Variants in ADCY1 observed in about 807,000 individuals in gnomAD.
The protein encoded by ADCY1 is adenylate cyclase type 1.
ADCY1 carries 28 observed loss-of-function variants against 105.4 expected under a neutral mutation model. The ratio of observed to expected loss-of-function variants is 0.27; its 90% confidence interval spans 0.20 to 0.36. The LOEUF (loss-of-function observed/expected upper bound fraction) is 0.36, where lower values mean the gene tolerates loss of function less well. Among genes scored for constraint, ADCY1 ranks in the 10% least tolerant of loss-of-function variants. The pLI, the probability that ADCY1 is intolerant of heterozygous loss-of-function variation, is 1.00. For synonymous variants in ADCY1, 655 were observed against 623.8 expected, an observed-to-expected ratio of 1.05 and a Z score of -0.75; for missense variants, 977 against 1,434.2, an observed-to-expected ratio of 0.68 and a Z score of 5.15.
intron 8 of ADCY1, among the ~76,000 whole-genome samples, chr7:45,668,876 G>A (rs1300465893): frequency 6.6e-6 from 1 of 152,180 alleles, no homozygotes; most frequent in Non-Finnish European, 1.5e-5. Flanking sequence ...TATGTGTCTA[G>A]GAATTTATCC....
At position 45,710,356 on chromosome 7, in the gene ADCY1, C is replaced by G. The variant is rs555028944; in HGVS notation, c.2933-172C>G. ...CAGCAGGGCAGCTGCCTCTCTGGTG[C>G]TGTGTGTGATGCTTCAGGAAGGAGC... On this transcript the variant is annotated intron_variant, in intron 18 of 19. Coordinates refer to ENST00000297323, the MANE Select transcript of ADCY1 (RefSeq NM_021116.4). The surrounding 1 kb of genome is among the most constrained non-coding windows in gnomAD (Gnocchi z 4.7). 1.3e-5 allele frequency among the ~76,000 whole-genome samples: 2 copies of G among 152,252 alleles called. No homozygotes were observed. The highest frequency in any genetic ancestry group is 3.9e-4 in the East Asian group (2 of 5,174).
chr7:45,714,848 C>T lies in ADCY1; in HGVS notation c.*853C>T, dbSNP rs1447167902. 1 of 152,512 alleles carries T rather than the reference C, an allele frequency of 6.6e-6. No homozygotes were observed. Among genetic ancestry groups the T allele is most frequent in the Non-Finnish European group, 1.5e-5 (1 of 68,090 alleles). The allele number at this position is 152,512 out of a possible 1,614,324, so 9.4% of individuals were successfully genotyped here. On this transcript the variant is annotated 3_prime_UTR_variant, in exon 20 of 20. Coordinates refer to ENST00000297323, the MANE Select transcript of ADCY1 (RefSeq NM_021116.4). ...ATCCTGCACCGGCACTGTGTTTGTT[C>T]AGAGAAAACGAAGGGTGTCATTTCT...
At chr7:45,607,548 G>C (rs920377331) in intron 2 of ADCY1, among the ~76,000 whole-genome samples, 4 of 152,162 alleles carry the variant, frequency 2.6e-5, no homozygotes, top group Non-Finnish European at 5.9e-5. Flanking sequence ...CATAACCCGG[G>C]TACTAAAGCA....
At chr7:45,587,622 C>T (rs1792769967) in intron 1 of ADCY1, among the ~76,000 whole-genome samples, 1 of 152,100 alleles carries the variant, frequency 6.6e-6, no homozygotes, top group Non-Finnish European at 1.5e-5. Context: ...GATACTTTCT[C>T]CAAGGACTAT....
At chr7:45,653,766 C>T (rs1298452993) in intron 5 of ADCY1, among the ~76,000 whole-genome samples, 4 of 152,200 alleles carry the variant, frequency 2.6e-5, no homozygotes, top group Non-Finnish European at 4.4e-5. Context: ...CTGACACGCA[C>T]CACCAGCTCT....
intron 6 of ADCY1, among the ~76,000 whole-genome samples, chr7:45,659,108 C>G (rs1795020635): frequency 6.6e-6 from 1 of 152,204 alleles, no homozygotes; most frequent in South Asian, 2.1e-4. Flanking sequence ...CCTGTCCCTC[C>G]TTCTCCCACC....
rs367965996 is a variant in ADCY1, at chr7:45,599,478, C to T, written c.789+6570C>T. 4.0e-5 allele frequency among the ~76,000 whole-genome samples: 6 copies of T among 151,240 alleles called. No individual in the cohort carries two copies. The East Asian group carries it at 1.2e-3, about 30-fold the overall frequency. ...TTTGCTCTGTATCAGCTCCGGGAAT[C>T]CCAGAGTCTCCTCCCTGTCATTCTG... On this transcript the variant is annotated intron_variant, in intron 2 of 19. Coordinates refer to ENST00000297323, the MANE Select transcript of ADCY1 (RefSeq NM_021116.4).
chr7:45,719,003 G>A lies in ADCY1; in HGVS notation c.*5008G>A, dbSNP rs1021806453. The A allele has an allele frequency of 1.1e-4, 17 of 152,898 alleles. No individual in the cohort carries two copies. Among genetic ancestry groups the A allele is most frequent in the African/African-American group, 3.9e-4 (16 of 41,486 alleles). The allele number at this position is 152,898 out of a possible 1,614,324, so 9.5% of individuals were successfully genotyped here. On this transcript the variant is annotated 3_prime_UTR_variant, in exon 20 of 20. Coordinates refer to ENST00000297323, the MANE Select transcript of ADCY1 (RefSeq NM_021116.4). ...AATGCCACACGGGGTTTGTCTGTAA[G>A]CTGCAGTGTCTGTGATTCTGTGTGA... is the stretch of plus-strand genomic sequence containing the variant.
chr7:45,671,811 T>G (rs1022013675), intron 8 of ADCY1, among the ~76,000 whole-genome samples: 2 of 152,180 alleles, frequency 1.3e-5, no homozygotes, highest in Non-Finnish European at 2.9e-5. Flanking sequence ...TTTTGAGAGT[T>G]CATGGTATAT....
chr7:45,694,942 T>G (rs1382289549), intron 14 of ADCY1, among the ~76,000 whole-genome samples: 1 of 152,226 alleles, frequency 6.6e-6, no homozygotes, highest in South Asian at 2.1e-4. Flanking sequence ...TTCTCTAGCC[T>G]TTGCTAATCA....
intron 6 of ADCY1, 113 bp from the exon 7 acceptor site, chr7:45,659,929 C>A: frequency 7.3e-7 from 1 of 1,365,164 alleles, no homozygotes; most frequent in South Asian, 1.4e-5. Context: ...CCCGTGGAGC[C>A]TGCCCTGGTG....
chr7:45,694,255 T>A (rs1784839139), intron 14 of ADCY1, among the ~76,000 whole-genome samples: 1 of 152,012 alleles, frequency 6.6e-6, no homozygotes, highest in Non-Finnish European at 1.5e-5. Flanking sequence ...CTCAAGAAAT[T>A]CAAAAGGATT....
intron 4 of ADCY1, among the ~76,000 whole-genome samples, chr7:45,635,121 T>C (rs1794363580): frequency 6.7e-6 from 1 of 149,912 alleles, no homozygotes; most frequent in Non-Finnish European, 1.5e-5. Flanking sequence ...TTTCTTTAAA[T>C]AGAGCTAGTG....
At chr7:45,648,409 A>C (rs750182918) in intron 4 of ADCY1, among the ~76,000 whole-genome samples, 1 of 152,212 alleles carries the variant, frequency 6.6e-6, no homozygotes, top group Non-Finnish European at 1.5e-5. Context: ...AGCAGACAGG[A>C]GGGATGGACC....
chr7:45,659,913 A>G, intron 6 of ADCY1, 129 bp from the exon 7 acceptor site: 1 of 1,193,126 alleles, frequency 8.4e-7, no homozygotes, highest in Non-Finnish European at 1.2e-6. Context: ...GGGAGCATGA[A>G]TACTCCCCGT....
intron 14 of ADCY1, among the ~76,000 whole-genome samples, chr7:45,688,643 C>T (rs1048118050): frequency 5.3e-5 from 8 of 152,146 alleles, no homozygotes; most frequent in South Asian, 4.1e-4. Flanking sequence ...CATATACATA[C>T]ATCACACACA....
Position 45,714,309 on chromosome 7 carries a change from T to C in ADCY1, c.*314T>C, listed in dbSNP as rs1785323890. On this transcript the variant is annotated 3_prime_UTR_variant, in exon 20 of 20. Transcript: ENST00000297323. ...TTTCTTTCCAGCAAGCCTGTTCAGGTTTGGCCAGGTCGGCATCAATGTAAG... is the reference window on the plus strand; with the variant it reads ...TTTCTTTCCAGCAAGCCTGTTCAGGCTTGGCCAGGTCGGCATCAATGTAAG... 2.6e-6 allele frequency: 1 copy of C among 391,672 alleles called. No homozygotes were observed. The highest frequency in any genetic ancestry group is 2.0e-5 in the African/African-American group (1 of 49,966). 24.3% of individuals were successfully genotyped at this position (391,672 alleles called of 1,614,324 possible).
At chr7:45,681,411 C>G (rs758850823) in intron 11 of ADCY1, among the ~76,000 whole-genome samples, 12 of 152,164 alleles carry the variant, frequency 7.9e-5, no homozygotes, top group Non-Finnish European at 1.5e-4. Flanking sequence ...TATTCACTCT[C>G]CCTTCTCACC....
At chr7:45,583,944 T>TG (rs372217245) in intron 1 of ADCY1, among the ~76,000 whole-genome samples, 44,227 of 136,992 alleles carry the variant, frequency 0.32, 7,990 homozygotes, top group East Asian at 0.51. Context: ...CCTGTTTTTT[T>TG]TTTTTTTTTT....
Sources: allele counts gnomAD v4.1 joint callset (sites outside exome capture counted in the v4.1 genomes callset), GRCh38; gene constraint gnomAD v4.1.1; non-coding constraint Gnocchi (gnomAD v3.1); transcripts MANE v1.5; gene names NCBI Gene and HGNC (gene_info 2026-07-23, HGNC 2026-07-21).